The following LRP2BP variants were observed in gnomAD, a reference collection of about 807,000 sequenced individuals.
LRP2BP encodes the protein LRP2 binding protein.
In LRP2BP, 38 loss-of-function variants were observed where a neutral mutation model predicts 45.2. The ratio of observed to expected loss-of-function variants is 0.84; its 90% confidence interval spans 0.65 to 1.10. The LOEUF is 1.10. Among genes scored for constraint, LRP2BP ranks in the 50% least tolerant of loss-of-function variants. The probability of loss-of-function intolerance (pLI) is 0.00; values close to 1 mark genes in which losing one functional copy is unlikely to be tolerated. For synonymous variants in LRP2BP, 153 were observed against 153.9 expected (o/e 0.99, Z 0.04); for missense variants, 385 against 418.9 (o/e 0.92, Z 0.71).
At chr4:185,373,913 T>TA (rs1265964417) in intron 6 of LRP2BP, among the ~76,000 whole-genome samples, 1 of 152,190 alleles carries the variant, frequency 6.6e-6, no homozygotes, top group Admixed American at 6.6e-5. Flanking sequence ...GATACTATAG[T>TA]ATACAAAATA....
chr4:185,379,051 AT>A, intron 1 of LRP2BP: 1 of 830,914 alleles, frequency 1.2e-6, no homozygotes, highest in Non-Finnish European at 1.5e-6. Context: ...AAAAAGGAAC[AT>A]TTAGTAGGGG....
intron 6 of LRP2BP, 74 bp downstream of exon 6, chr4:185,374,061 A>G (rs1181389075): frequency 8.1e-7 from 1 of 1,230,706 alleles, no homozygotes; most frequent in African/African-American, 1.5e-5. Flanking sequence ...ATTCCCCACC[A>G]TTTTCTCAAA....
upstream of LRP2BP, chr4:185,396,962 G>C: frequency 6.2e-7 from 1 of 1,613,408 alleles, no homozygotes; most frequent in South Asian, 1.1e-5. Context: ...TGAGATTCGG[G>C]CTCACAGAGC....
At chr4:185,397,280 C>G (rs985063708), upstream of LRP2BP, 14 of 1,613,902 alleles carry the variant, frequency 8.7e-6, no homozygotes, top group Non-Finnish European at 1.2e-5. Flanking sequence ...CAGCTGCAAA[C>G]GGGCGCTGAC....
chr4:185,371,770 T>A (rs1297021677), intron 7 of LRP2BP, among the ~76,000 whole-genome samples: 1 of 152,146 alleles, frequency 6.6e-6, no homozygotes, highest in Non-Finnish European at 1.5e-5. Flanking sequence ...TGGCAATCAC[T>A]CCTGTAAGTG....
At chr4:185,393,984 C>A (rs1450271955) in intron 1 of LRP2BP, among the ~76,000 whole-genome samples, 1 of 152,152 alleles carries the variant, frequency 6.6e-6, no homozygotes, top group Admixed American at 6.6e-5. Context: ...TGCGGCCAGG[C>A]ATGGTGGCTC....
At chr4:185,384,985 G>T (rs1338692018) in intron 1 of LRP2BP, among the ~76,000 whole-genome samples, 6 of 149,756 alleles carry the variant, frequency 4.0e-5, no homozygotes, top group Non-Finnish European at 8.8e-5. Context: ...CCTTTTGGGT[G>T]TGGCAGATTT....
upstream of LRP2BP, chr4:185,396,838 C>A: frequency 7.0e-7 from 1 of 1,430,918 alleles, no homozygotes. Flanking sequence ...CTAGGGCCAG[C>A]CTGCGCATTC....
rs540435622 is a variant in LRP2BP, at chr4:185,384,458, A to C, written c.-21-6251T>G. On this transcript the variant is annotated intron_variant, in intron 1 of 8. Coordinates refer to ENST00000505916, the MANE Select transcript of LRP2BP (RefSeq NM_001377440.1). ...ATTCCATTTAACTTTCAATGGGCCA[A>C]GTGTTTAAAGTTTCTGGGTTTTTAA... Among the ~76,000 whole-genome samples, 129 of 152,208 alleles carry C rather than the reference A, an allele frequency of 8.5e-4. 1 individual carries two copies. The highest frequency in any genetic ancestry group is 2.3e-3 in the Admixed American group (35 of 15,278).
At chr4:185,382,270 A>G (rs760819336) in intron 1 of LRP2BP, among the ~76,000 whole-genome samples, 13 of 152,220 alleles carry the variant, frequency 8.5e-5, no homozygotes, top group South Asian at 2.1e-4. Context: ...TCATCAGTTG[A>G]TAAGCACTTG....
intron 2 of LRP2BP, 47 bp downstream of exon 2, chr4:185,378,034 A>G (rs762285559): frequency 1.4e-6 from 2 of 1,442,184 alleles, no homozygotes; most frequent in Non-Finnish European, 1.9e-6. Flanking sequence ...TGCAAAATGA[A>G]CTGTTAAAGT....
At chr4:185,384,473 T>C (rs2095464584) in intron 1 of LRP2BP, among the ~76,000 whole-genome samples, 1 of 152,140 alleles carries the variant, frequency 6.6e-6, no homozygotes, top group Non-Finnish European at 1.5e-5. Context: ...TTAAAGTTTC[T>C]GGGTTTTTAA....
At position 185,374,177 on chromosome 4, in the gene LRP2BP, G is replaced by A. The variant is rs751514591; in HGVS notation, c.537C>T (p.Leu179=). 1.4e-5 allele frequency: 22 copies of A among 1,613,946 alleles called. No individual in the cohort carries two copies. In the South Asian group the frequency reaches 1.6e-4, roughly 12 times the overall value. The part of the protein sequence containing the change: ...PKASVKAQSM[L]GLYYSTKEPK... ...GCTCCTTGGTTGAGTAATACAGCCC[G>A]AGCATACTTTGAGCCTTCACACTAG... The change falls in exon 6 of 9, where the codon CTC becomes CTT. Residue 179 remains leucine (L), a synonymous_variant. Transcript: ENST00000505916.
rs146431383 is a variant in LRP2BP at position 185,380,676 on chromosome 4, C to T, written c.-21-2469G>A. Among the ~76,000 whole-genome samples the T allele has an allele frequency of 1.4e-3, 217 of 152,296 alleles. 1 individual carries two copies. The highest frequency in any genetic ancestry group is 3.4e-3 in the Middle Eastern group (1 of 294). ...CTATTTCCAAAGAGGTTCACATTCA[C>T]AGGTTTCAGGAGTTAGCACTCAGAT... On this transcript the variant is annotated intron_variant, in intron 1 of 8. Transcript: ENST00000505916.
chr4:185,378,772 C>T, intron 1 of LRP2BP: 1 of 985,484 alleles, frequency 1.0e-6, no homozygotes, highest in Non-Finnish European at 1.2e-6. Flanking sequence ...GCGGTCACCT[C>T]ATTTGGGGTG....
At chr4:185,397,039 T>G (rs2095505358), upstream of LRP2BP, 1 of 1,609,878 alleles carries the variant, frequency 6.2e-7, no homozygotes, top group Non-Finnish European at 8.5e-7. Context: ...GACGGACCAC[T>G]GGGCGCTGCC....
intron 8 of LRP2BP, chr4:185,369,692 GTTTTAA>G (rs2095408272): frequency 4.8e-6 from 2 of 413,838 alleles, no homozygotes; most frequent in South Asian, 1.8e-5. Context: ...TGCTCTGGAA[GTTTTAA>G]TTTTAAAGTA....
At chr4:185,378,397 G>C in intron 1 of LRP2BP, 190 bp from the exon 2 acceptor site, 1 of 1,372,762 alleles carries the variant, frequency 7.3e-7, no homozygotes, top group Non-Finnish European at 9.4e-7. Flanking sequence ...CCCTAGCTGA[G>C]AGACAGCCAT....
chr4:185,392,465 TAAAGAG>T (rs1174205707), intron 1 of LRP2BP, among the ~76,000 whole-genome samples: 1 of 152,224 alleles, frequency 6.6e-6, no homozygotes, highest in African/African-American at 2.4e-5. Context: ...GAATTTATGT[TAAAGAG>T]AAAGAATTTC....
Sources: allele counts gnomAD v4.1 joint callset (sites outside exome capture counted in the v4.1 genomes callset), GRCh38; gene constraint gnomAD v4.1.1; transcripts MANE v1.5; gene names NCBI Gene and HGNC (gene_info 2026-07-23, HGNC 2026-07-21).